XRCC1: variants seen among roughly 807,000 people sequenced by gnomAD.
XRCC1 encodes DNA repair protein XRCC1.
A neutral mutation model predicts 83.3 loss-of-function variants in XRCC1; 52 were observed. That is an observed-to-expected ratio of 0.62 (90% CI 0.50 to 0.79). The LOEUF (loss-of-function observed/expected upper bound fraction) is 0.79, where lower values mean the gene tolerates loss of function less well. XRCC1 is among the 30% of genes least tolerant of loss of function. The pLI is 0.00. For synonymous variants in XRCC1, 281 were observed against 312.6 expected, an observed-to-expected ratio of 0.90 and a Z score of 1.07; for missense variants, 793 against 823.5, an observed-to-expected ratio of 0.96 and a Z score of 0.45.
intron 10 of XRCC1, among the ~76,000 whole-genome samples, chr19:43,548,223 T>C (rs887767445): frequency 6.6e-6 from 1 of 151,882 alleles, no homozygotes; most frequent in African/African-American, 2.4e-5. Context: ...GGCCGCCCCT[T>C]CTGGGAAGTG....
At chr19:43,571,614 C>T (rs1568519432) in intron 2 of XRCC1, among the ~76,000 whole-genome samples, 1 of 152,228 alleles carries the variant, frequency 6.6e-6, no homozygotes, top group Non-Finnish European at 1.5e-5. Flanking sequence ...AGTGATCCTC[C>T]CGCCTCAGCC....
chr19:43,564,659 A>G (rs568741308), intron 2 of XRCC1, among the ~76,000 whole-genome samples: 1 of 152,132 alleles, frequency 6.6e-6, no homozygotes, highest in Non-Finnish European at 1.5e-5. Flanking sequence ...GTGGTGGCGC[A>G]TGCCTGTAAT....
chr19:43,551,438 C>A, intron 10 of XRCC1, 133 bp downstream of exon 10: 1 of 765,316 alleles, frequency 1.3e-6, no homozygotes, highest in South Asian at 1.7e-5. Context: ...TGCCCCGCTC[C>A]TCTCAGTAGT....
chr19:43,545,432 C>T (rs1445347957), intron 14 of XRCC1, among the ~76,000 whole-genome samples: 1 of 152,230 alleles, frequency 6.6e-6, no homozygotes, highest in African/African-American at 2.4e-5. Flanking sequence ...CAGGGCCTGA[C>T]AGAGAGCAGT....
intron 2 of XRCC1, among the ~76,000 whole-genome samples, chr19:43,567,463 C>T (rs1037880822): frequency 2.6e-5 from 4 of 152,094 alleles, no homozygotes; most frequent in Non-Finnish European, 1.5e-5. Flanking sequence ...AGGCACGCAC[C>T]ACCACCCCCG....
At chr19:43,548,779 A>AAAAACAAAAAAAAAAC (rs1972546369) in intron 10 of XRCC1, among the ~76,000 whole-genome samples, 1 of 141,638 alleles carries the variant, frequency 7.1e-6, no homozygotes, top group African/African-American at 2.6e-5. Flanking sequence ...AAAAAAAAAA[A>AAAAACAAAAAAAAAAC]AAAAAAACAC....
chr19:43,575,090 A>G, intron 1 of XRCC1, 88 bp from the exon 2 acceptor site: 4 of 1,095,758 alleles, frequency 3.7e-6, no homozygotes, highest in Non-Finnish European at 5.5e-6. Context: ...AGTCCTCCCA[A>G]GGCCTCTACG....
intron 6 of XRCC1, 40 bp from the exon 7 acceptor site, chr19:43,553,131 G>T: frequency 6.5e-7 from 1 of 1,535,116 alleles, no homozygotes. Flanking sequence ...AGAGGGCTGA[G>T]CCCCAAGACC....
At chr19:43,573,734 G>C (rs1405929466) in intron 2 of XRCC1, among the ~76,000 whole-genome samples, 1 of 151,986 alleles carries the variant, frequency 6.6e-6, no homozygotes, top group African/African-American at 2.4e-5. Flanking sequence ...AACTAGCCAG[G>C]CATGGTGGTG....
intron 2 of XRCC1, among the ~76,000 whole-genome samples, chr19:43,563,495 A>AAACAAC (rs893727767): frequency 1.3e-5 from 2 of 152,096 alleles, no homozygotes; most frequent in Non-Finnish European, 1.5e-5. Flanking sequence ...TCTGTCTCAA[A>AAACAAC]AACAACAACA....
chr19:43,544,536 T>C (rs1406420323), intron 14 of XRCC1, among the ~76,000 whole-genome samples: 2 of 151,550 alleles, frequency 1.3e-5, no homozygotes, highest in African/African-American at 2.4e-5. Context: ...AGACAAGGAC[T>C]CACTCTGTCG....
chr19:43,574,964 G>GT lies in XRCC1; in HGVS notation c.89dup (p.Tyr30Ter), dbSNP rs764604724. 1.9e-5 allele frequency: 31 copies of GT among 1,614,172 alleles called. No homozygotes were observed. In the South Asian group the frequency reaches 3.2e-4, roughly 17 times the overall value. Reference sequence around the variant, plus strand: ...CTGCCTTGGCTGCCCGCCATTTTCGGTAAGTGTCTGCCTTGAGAAGATTTT... The same window carrying GT: ...CTGCCTTGGCTGCCCGCCATTTTCGGTTAAGTGTCTGCCTTGAGAAGATTTT... ...CAENLLKADTYRKWRAAKAGE... is the reference protein window; with the variant it reads ...CAENLLKADT The change falls in exon 2 of 17, where the codon TAC becomes TAAC. Residue 30 changes from tyrosine (Y) to a stop codon, truncating the protein, a stop_gained and frameshift_variant. Coordinates refer to ENST00000262887, the MANE Select transcript of XRCC1 (RefSeq NM_006297.3). LOFTEE classifies it high-confidence loss of function.
At chr19:43,556,985 AC>A in intron 3 of XRCC1, among the ~76,000 whole-genome samples, 1 of 150,042 alleles carries the variant, frequency 6.7e-6, no homozygotes. Context: ...AGCCTGGGTG[AC>A]GGAGCAAGAC....
rs1375739978 is a variant in XRCC1, at chr19:43,543,660, C to G, written c.1740G>C (p.Arg580=). The change falls in exon 16 of 17, where the codon CGG becomes CGC. Residue 580 remains arginine, a synonymous_variant. Transcript: ENST00000262887. The stretch of plus-strand genomic sequence containing the variant: ...CCTGTGCTGTGATCACAAACTGAAC[C>G]CGGTCACTCATATAGTCCTCGAGCT... ...NGELEDYMSD[R]VQFVITAQEW... is the part of the protein sequence containing the mutation. 6.2e-7 allele frequency: 1 copy of G among 1,613,918 alleles called. No individual in the cohort carries two copies. The highest frequency in any genetic ancestry group is 1.7e-5 in the Admixed American group (1 of 59,984).
intron 10 of XRCC1, among the ~76,000 whole-genome samples, 199 bp from the exon 11 acceptor site, chr19:43,547,176 C>T (rs1332259771): frequency 1.6e-5 from 2 of 128,152 alleles, no homozygotes; most frequent in African/African-American, 6.3e-5. Flanking sequence ...ACCTGGGTAC[C>T]CCCTTTCTTC....
At chr19:43,568,288 G>A (rs1028974444) in intron 2 of XRCC1, among the ~76,000 whole-genome samples, 14 of 152,068 alleles carry the variant, frequency 9.2e-5, no homozygotes, top group Middle Eastern at 3.4e-3. Context: ...CTTGAGGTCA[G>A]GAATTCAAGA....
intron 10 of XRCC1, among the ~76,000 whole-genome samples, chr19:43,549,005 T>C (rs1174910358): frequency 1.3e-5 from 2 of 152,174 alleles, no homozygotes; most frequent in African/African-American, 2.4e-5. Context: ...GAGACATACA[T>C]GTTAAGACCC....
At chr19:43,550,226 C>A (rs1972561509) in intron 10 of XRCC1, among the ~76,000 whole-genome samples, 1 of 152,036 alleles carries the variant, frequency 6.6e-6, no homozygotes, top group Non-Finnish European at 1.5e-5. Flanking sequence ...TGGGGGAGCA[C>A]CCCATGATCA....
intron 10 of XRCC1, among the ~76,000 whole-genome samples, chr19:43,550,969 T>G (rs1219778151): frequency 6.6e-6 from 1 of 151,944 alleles, no homozygotes; most frequent in Non-Finnish European, 1.5e-5. Context: ...CTTCTGGGAC[T>G]CATTTTGGTT....
Sources: allele counts gnomAD v4.1 joint callset (sites outside exome capture counted in the v4.1 genomes callset), GRCh38; gene constraint gnomAD v4.1.1; transcripts MANE v1.5; gene names NCBI Gene and HGNC (gene_info 2026-07-23, HGNC 2026-07-21).